Variants in FREM3 observed in about 807,000 individuals in gnomAD.
FREM3 encodes the protein FRAS1-related extracellular matrix protein 3.
FREM3 carries 105 observed loss-of-function variants against 129.1 expected under a neutral mutation model. That is an observed-to-expected ratio of 0.81 (90% CI 0.69 to 0.96). The LOEUF (loss-of-function observed/expected upper bound fraction) is 0.96. Ranked by LOEUF, FREM3 falls within the 40% of genes least tolerant of loss-of-function variation. FREM3 has a pLI of 0.00. For missense variants in FREM3, 2,593 were observed against 2,666.3 expected (o/e 0.97, Z 0.61); for synonymous variants, 1,014 against 1,044.9 (o/e 0.97, Z 0.57).
rs1299940229 is a variant in FREM3 at position 143,598,572 on chromosome 4, C to A, written c.6029-12579G>T. Among the ~76,000 whole-genome samples, 3 of 152,000 alleles carry A rather than the reference C, an allele frequency of 2.0e-5. No homozygotes were observed. In the East Asian group the frequency reaches 5.8e-4, roughly 29 times the overall value. ...TGGTGCTTCTCTTCTCCTCCTTCCT[C>A]AAAGAAAAGCTTGGAGCTCCCAGTT... On this transcript the variant is annotated intron_variant, in intron 6 of 7. Coordinates refer to ENST00000329798, the MANE Select transcript of FREM3 (RefSeq NM_001168235.2).
Position 143,698,051 on chromosome 4 carries a change from T to TC in FREM3, c.2624dup (p.His876ThrfsTer6), listed in dbSNP as rs745406313. The TC allele has an allele frequency of 3.2e-5, 49 of 1,537,238 alleles. 1 individual carries two copies. In the South Asian group the frequency reaches 5.8e-4, roughly 18 times the overall value. The stretch of plus-strand genomic sequence containing the variant: ...TACATCTTTTAAAGTACTGCAAGTG[T>TC]CCATGTTGGGGACCCCGGACTAATA... On this transcript the variant is annotated frameshift_variant, in exon 1 of 8. Coordinates refer to ENST00000329798, the MANE Select transcript of FREM3 (RefSeq NM_001168235.2). LOFTEE classifies it high-confidence loss of function.
chr4:143,579,477 A>G (rs1305806312), intron 7 of FREM3, among the ~76,000 whole-genome samples: 1 of 152,220 alleles, frequency 6.6e-6, no homozygotes, highest in Non-Finnish European at 1.5e-5. Flanking sequence ...AAACAAGGTT[A>G]TAGTGAAAAT....
In FREM3 at chr4:143,611,313, G is replaced by T. The variant is rs535317699; in HGVS notation, c.5994C>A (p.Thr1998=). The part of the protein sequence containing the change: ...VGGQLGARFP[T]TKVTILADRY... ...GATCAGCCAGAATAGTCACCTTAGTGGTGGGGAATCTGGCTCCCAGCTGTC... is the reference window on the plus strand; with the variant it reads ...GATCAGCCAGAATAGTCACCTTAGTTGTGGGGAATCTGGCTCCCAGCTGTC... The change falls in exon 6 of 8, where the codon ACC becomes ACA. Residue 1998 remains threonine (T), a synonymous_variant. Transcript: ENST00000329798. 3 of 1,536,954 alleles carry T rather than the reference G, an allele frequency of 2.0e-6. No individual in the cohort carries two copies. In the African/African-American group the frequency reaches 4.1e-5, roughly 21 times the overall value.
At chr4:143,627,323 G>A (rs1020877336) in intron 3 of FREM3, among the ~76,000 whole-genome samples, 5 of 152,238 alleles carry the variant, frequency 3.3e-5, no homozygotes, top group Admixed American at 6.5e-5. Flanking sequence ...AAGATTGTGG[G>A]ATGGCTATGA....
intron 6 of FREM3, among the ~76,000 whole-genome samples, chr4:143,593,997 G>A (rs576925494): frequency 8.5e-5 from 13 of 152,292 alleles, no homozygotes; most frequent in South Asian, 8.3e-4. Flanking sequence ...AGCAATGAGC[G>A]AGGCTCTGTG....
intron 3 of FREM3, 125 bp downstream of exon 3, chr4:143,627,489 C>A: frequency 1.2e-6 from 1 of 867,460 alleles, no homozygotes; most frequent in East Asian, 2.7e-5. Flanking sequence ...TTCACAGACA[C>A]TTTTTTAGAG....
At chr4:143,684,276 G>A (rs1740314602) in intron 2 of FREM3, among the ~76,000 whole-genome samples, 1 of 152,048 alleles carries the variant, frequency 6.6e-6, no homozygotes, top group Non-Finnish European at 1.5e-5. Context: ...CACTTCCAAC[G>A]GAACAGGAAC....
chr4:143,586,763 T>C (rs898239506), intron 6 of FREM3, among the ~76,000 whole-genome samples: 1 of 152,232 alleles, frequency 6.6e-6, no homozygotes, highest in Non-Finnish European at 1.5e-5. Flanking sequence ...TAGGTGATTA[T>C]TTAAAGCATA....
intron 7 of FREM3, among the ~76,000 whole-genome samples, chr4:143,583,305 T>C (rs935336700): frequency 6.6e-6 from 1 of 152,156 alleles, no homozygotes; most frequent in Non-Finnish European, 1.5e-5. Context: ...AAATACGGGA[T>C]TCTGTAAAGA....
At chr4:143,659,168 G>A (rs1364367704) in intron 2 of FREM3, among the ~76,000 whole-genome samples, 3 of 150,242 alleles carry the variant, frequency 2.0e-5, no homozygotes, top group Non-Finnish European at 4.4e-5. Flanking sequence ...ATGTATACAT[G>A]TGCCATGCTG....
chr4:143,605,240 A>T (rs547219914), intron 6 of FREM3, among the ~76,000 whole-genome samples: 33 of 152,208 alleles, frequency 2.2e-4, no homozygotes, highest in African/African-American at 7.7e-4. Flanking sequence ...TCTCTTATGA[A>T]CATTAGAGGA....
At chr4:143,660,589 A>G (rs1182186420) in intron 2 of FREM3, among the ~76,000 whole-genome samples, 1 of 152,046 alleles carries the variant, frequency 6.6e-6, no homozygotes, top group African/African-American at 2.4e-5. Context: ...TTCCATGTGA[A>G]CTTTAAAGTA....
intron 2 of FREM3, among the ~76,000 whole-genome samples, chr4:143,662,183 G>A (rs1739743098): frequency 1.3e-5 from 2 of 151,954 alleles, no homozygotes; most frequent in South Asian, 2.1e-4. Context: ...GTGATGTTAG[G>A]GTGTCAGTTT....
Position 143,698,075 on chromosome 4 carries a change from T to C in FREM3, c.2601A>G (p.Ile867Met), listed in dbSNP as rs1459481066. ...PDTDIDQIVFILVRGPQHGHL... is the reference protein window; with the variant it reads ...PDTDIDQIVFMLVRGPQHGHL... ...GTCCATGTTGGGGACCCCGGACTAA[T>C]ATGAAGACAATTTGGTCAATGTCTG... The change falls in exon 1 of 8, where the codon ATA becomes ATG. Residue 867 changes from isoleucine (I) to methionine (M), a missense_variant. This residue lies in a region of FREM3 where 2,276 missense variants were observed against 2,267.2 expected (regional missense o/e 1.00). Coordinates refer to ENST00000329798, the MANE Select transcript of FREM3 (RefSeq NM_001168235.2). 6.5e-7 allele frequency: 1 copy of C among 1,537,370 alleles called. No homozygotes were observed. Among genetic ancestry groups the C allele is most frequent in the Non-Finnish European group, 8.7e-7 (1 of 1,146,942 alleles).
At chr4:143,648,801 C>T (rs928134775) in intron 2 of FREM3, among the ~76,000 whole-genome samples, 7 of 152,150 alleles carry the variant, frequency 4.6e-5, no homozygotes, top group South Asian at 2.1e-4. Context: ...CCTGTTCTCT[C>T]GCGCAGGCTG....
chr4:143,587,246 A>G (rs920195689), intron 6 of FREM3, among the ~76,000 whole-genome samples: 21 of 152,060 alleles, frequency 1.4e-4, no homozygotes, highest in Non-Finnish European at 8.8e-5. Context: ...TTTTTTTAAG[A>G]CTTTATTGAT....
intron 7 of FREM3, among the ~76,000 whole-genome samples, 158 bp from the exon 8 acceptor site, chr4:143,578,010 T>C (rs1343643601): frequency 6.6e-6 from 1 of 152,250 alleles, no homozygotes; most frequent in African/African-American, 2.4e-5. Context: ...AAGGGGGAAC[T>C]TCCATATTCT....
chr4:143,598,519 C>T (rs530479062), intron 6 of FREM3, among the ~76,000 whole-genome samples: 3 of 152,206 alleles, frequency 2.0e-5, no homozygotes, highest in Non-Finnish European at 2.9e-5. Flanking sequence ...TCTGTGCATG[C>T]CCCAGAAAAG....
chr4:143,647,652 T>A (rs1560856733), intron 2 of FREM3, among the ~76,000 whole-genome samples: 3 of 152,188 alleles, frequency 2.0e-5, no homozygotes, highest in African/African-American at 7.2e-5. Context: ...TAAGCCTTGG[T>A]GGCTTACATA....
Sources: allele counts gnomAD v4.1 joint callset (sites outside exome capture counted in the v4.1 genomes callset), GRCh38; gene constraint gnomAD v4.1.1; regional missense constraint gnomAD v4.1.1; transcripts MANE v1.5; gene names NCBI Gene and HGNC (gene_info 2026-07-23, HGNC 2026-07-21).